Variants in RREB1 observed in about 807,000 individuals in gnomAD.
RREB1 encodes ras-responsive element-binding protein 1.
Under a neutral mutation model 117.8 loss-of-function variants are expected in RREB1, and 27 were observed. The observed-to-expected ratio is 0.23, with a 90% CI of 0.17 to 0.32. RREB1 has a LOEUF of 0.32. Ranked by LOEUF, RREB1 falls within the 10% of genes least tolerant of loss-of-function variation. RREB1 has a pLI of 1.00. For synonymous variants in RREB1, 1,298 were observed against 1,026.7 expected (o/e 1.26, Z -5.05); for missense variants, 2,577 against 2,378.2 (o/e 1.08, Z -1.74).
At chr6:7,236,436 T>C (rs1244996054) in intron 10 of RREB1, among the ~76,000 whole-genome samples, 1 of 152,248 alleles carries the variant, frequency 6.6e-6, no homozygotes, top group Non-Finnish European at 1.5e-5. Flanking sequence ...CATCCAAACC[T>C]GGGTGTGGAA....
At chr6:7,137,083 G>A (rs1288010339) in intron 1 of RREB1, among the ~76,000 whole-genome samples, 6 of 152,208 alleles carry the variant, frequency 3.9e-5, no homozygotes, top group South Asian at 2.1e-4. Context: ...ATCTGGCGAC[G>A]GGAGTGCCTC....
intron 1 of RREB1, among the ~76,000 whole-genome samples, chr6:7,142,662 C>T (rs944127748): frequency 9.2e-5 from 14 of 152,224 alleles, no homozygotes; most frequent in African/African-American, 3.1e-4. Flanking sequence ...GGCGGAGCCA[C>T]GTGGGGCTAG....
Position 7,249,106 on chromosome 6 carries a change from A to AGAGAGAGAGAC in RREB1, c.*138_*139insGAGAGAGAGAC, listed in dbSNP as rs1554129714. Reference sequence around the variant, plus strand: ...GAGAGAGAGAGAGAGAGAGAGAGACAAGCAGGAGCGTGGCTGCTCGCTCAG... The same window carrying AGAGAGAGAGAC: ...GAGAGAGAGAGAGAGAGAGAGAGACAGAGAGAGAGACAGCAGGAGCGTGGCTGCTCGCTCAG... On this transcript the variant is annotated 3_prime_UTR_variant, in exon 13 of 13. Transcript: ENST00000379938. The AGAGAGAGAGAC allele has an allele frequency of 1.4e-6, 1 of 712,326 alleles. No homozygotes were observed. Among genetic ancestry groups the AGAGAGAGAGAC allele is most frequent in the African/African-American group, 1.8e-5 (1 of 54,618 alleles). The allele number at this position is 712,326 out of a possible 1,614,324, so 44.1% of individuals were successfully genotyped here. A position where few individuals can be genotyped will look rare whatever the true frequency, so the allele number is the denominator to read the frequency against.
chr6:7,139,392 CAGT>C (rs1195868273), intron 1 of RREB1: 3 of 152,112 alleles, frequency 2.0e-5, no homozygotes, highest in African/African-American at 4.8e-5. Flanking sequence ...TTAAAAATAT[CAGT>C]AGGTTCTGAT....
chr6:7,176,987 C>T (rs1445221619), intron 2 of RREB1, among the ~76,000 whole-genome samples: 4 of 151,848 alleles, frequency 2.6e-5, no homozygotes, highest in Non-Finnish European at 5.9e-5. Context: ...GAGGCTGAGG[C>T]GGACAGATCA....
At chr6:7,227,310 A>T (rs952998535) in intron 9 of RREB1, among the ~76,000 whole-genome samples, 4 of 152,064 alleles carry the variant, frequency 2.6e-5, no homozygotes, top group African/African-American at 9.7e-5. Flanking sequence ...TGGGAGGCCA[A>T]GGCAGTCGGA....
intron 6 of RREB1, among the ~76,000 whole-genome samples, chr6:7,199,234 T>C (rs537726755): frequency 6.6e-6 from 1 of 152,330 alleles, no homozygotes; most frequent in African/African-American, 2.4e-5. Flanking sequence ...CTCAATTTCT[T>C]CATCTTTAGT....
chr6:7,206,742 T>C (rs1766295507), intron 6 of RREB1, among the ~76,000 whole-genome samples: 1 of 152,134 alleles, frequency 6.6e-6, no homozygotes, highest in Non-Finnish European at 1.5e-5. Flanking sequence ...GCTTTGCAGG[T>C]GAGGCGCGTG....
At chr6:7,152,034 C>T (rs1052179556) in intron 1 of RREB1, among the ~76,000 whole-genome samples, 1 of 152,188 alleles carries the variant, frequency 6.6e-6, no homozygotes, top group Non-Finnish European at 1.5e-5. Context: ...TAGGTACATA[C>T]ACAAGGACAT....
At chr6:7,125,542 A>G (rs1761869285) in intron 1 of RREB1, among the ~76,000 whole-genome samples, 1 of 152,186 alleles carries the variant, frequency 6.6e-6, no homozygotes, top group African/African-American at 2.4e-5. Context: ...CAGGTTGCCT[A>G]CTTTTGAAGA....
intron 5 of RREB1, 144 bp from the exon 6 acceptor site, chr6:7,189,015 C>T (rs1370531379): frequency 1.2e-5 from 9 of 740,394 alleles, no homozygotes. Flanking sequence ...TTTACCCCTT[C>T]AGAAAGATAT....
intron 1 of RREB1, among the ~76,000 whole-genome samples, chr6:7,165,546 G>C (rs1430394686): frequency 6.6e-6 from 1 of 151,982 alleles, no homozygotes; most frequent in Non-Finnish European, 1.5e-5. Flanking sequence ...GTAGGCTTTT[G>C]ATTGAGAATG....
intron 6 of RREB1, among the ~76,000 whole-genome samples, chr6:7,200,612 C>T (rs1029693541): frequency 1.1e-4 from 17 of 152,076 alleles, no homozygotes; most frequent in South Asian, 6.2e-4. Flanking sequence ...CTCTTGTGGC[C>T]GATGCTTACT....
intron 6 of RREB1, among the ~76,000 whole-genome samples, chr6:7,194,118 C>G (rs2113568673): frequency 6.6e-6 from 1 of 152,270 alleles, no homozygotes; most frequent in Non-Finnish European, 1.5e-5. Flanking sequence ...AATTTTATTA[C>G]TCTGTGTTGT....
chr6:7,190,763 C>G (rs905712663), intron 6 of RREB1, among the ~76,000 whole-genome samples: 1 of 150,600 alleles, frequency 6.6e-6, no homozygotes, highest in Non-Finnish European at 1.5e-5. Context: ...TAGGTCTGCT[C>G]GTTCTACACC....
intron 6 of RREB1, among the ~76,000 whole-genome samples, chr6:7,190,550 CAA>C (rs1765348492): frequency 6.6e-6 from 1 of 152,188 alleles, no homozygotes; most frequent in South Asian, 2.1e-4. Flanking sequence ...TAAGAATTTA[CAA>C]AGTGTTTTGC....
intron 2 of RREB1, among the ~76,000 whole-genome samples, chr6:7,178,746 A>AT (rs893002798): frequency 2.6e-5 from 4 of 151,102 alleles, no homozygotes; most frequent in South Asian, 2.1e-4. Flanking sequence ...ATGAGTCTCT[A>AT]TTTTTTTTTA....
chr6:7,231,753 C>T lies in RREB1; in HGVS notation c.3654C>T (p.Pro1218=), dbSNP rs768603292. ...GAGCCCCTGCCGACCACCATGGGCCCAGTGATGAAGAGCAGGGCAGTCCCC... is the reference window on the plus strand; with the variant it reads ...GAGCCCCTGCCGACCACCATGGGCCTAGTGATGAAGAGCAGGGCAGTCCCC... ...VAGAPADHHG[P]SDEEQGSPPE... Residue 1218 remains proline, a synonymous_variant, in exon 10 of 13, where the codon CCC becomes CCT. Coordinates refer to ENST00000379938, the MANE Select transcript of RREB1 (RefSeq NM_001003699.4). The T allele has an allele frequency of 1.1e-5, 17 of 1,613,866 alleles. No individual in the cohort carries two copies. The African/African-American group carries it at 2.3e-4, about 22-fold the overall frequency.
intron 1 of RREB1, among the ~76,000 whole-genome samples, chr6:7,129,810 C>G (rs1762078302): frequency 6.6e-6 from 1 of 152,206 alleles, no homozygotes; most frequent in Non-Finnish European, 1.5e-5. Context: ...GGTTTTGGTT[C>G]ATGTCCCTTT....
Sources: gnomAD v4.1 joint callset for allele counts (sites outside exome capture counted in the v4.1 genomes callset) on GRCh38, gnomAD v4.1.1 for gene constraint, MANE v1.5 for transcripts, NCBI Gene and HGNC (gene_info 2026-07-23, HGNC 2026-07-21) for gene names.